CNST: variants seen among roughly 807,000 people sequenced by gnomAD.
CNST encodes consortin.
CNST carries 39 observed loss-of-function variants against 72.4 expected under a neutral mutation model. The ratio of observed to expected loss-of-function variants is 0.54; its 90% CI spans 0.42 to 0.70. The LOEUF (loss-of-function observed/expected upper bound fraction) is 0.70. CNST is among the 30% of genes least tolerant of loss of function. The probability of loss-of-function intolerance (pLI) is 0.00; values close to 1 mark genes in which losing one functional copy is unlikely to be tolerated. For synonymous variants in CNST, 332 were observed against 320.1 expected, an observed-to-expected ratio of 1.04 and a Z score of -0.40; for missense variants, 871 against 868.5, an observed-to-expected ratio of 1.00 and a Z score of -0.04.
intron 9 of CNST, among the ~76,000 whole-genome samples, chr1:246,649,917 G>C (rs1316434153): frequency 6.6e-6 from 1 of 151,358 alleles, no homozygotes; most frequent in East Asian, 1.9e-4. Flanking sequence ...CTGTGTTGAA[G>C]ATGCACAAGG....
At chr1:246,621,743 C>G (rs1429765514) in intron 3 of CNST, 109 bp downstream of exon 3, 10 of 967,750 alleles carry the variant, frequency 1.0e-5, no homozygotes, top group Admixed American at 5.5e-5. Flanking sequence ...GCCTGTAATC[C>G]CAGCATTTTG....
At chr1:246,583,147 C>G (rs1442600275) in intron 1 of CNST, among the ~76,000 whole-genome samples, 2 of 152,184 alleles carry the variant, frequency 1.3e-5, no homozygotes, top group East Asian at 1.9e-4. Context: ...CTCCTCTGGT[C>G]TTGTGAATAT....
rs569399010 is a variant in CNST, at chr1:246,652,933, G to A, written c.1836+4896G>A. Among the ~76,000 whole-genome samples the A allele has an allele frequency of 2.6e-4, 39 of 151,354 alleles. No homozygotes were observed. In the East Asian group the frequency reaches 4.9e-3, roughly 19 times the overall value. ...GCAGGAGAATGGCGTGAACCTGGGA[G>A]GCGGAGCTTGCAGTGAGCCGAGATT... On this transcript the variant is annotated intron_variant, in intron 9 of 10. Transcript: ENST00000366513.
chr1:246,663,481 C>G (rs1371521120), intron 10 of CNST, among the ~76,000 whole-genome samples: 2 of 152,098 alleles, frequency 1.3e-5, no homozygotes. Context: ...TGGCTTATGC[C>G]TGTAATCCCA....
chr1:246,605,604 G>A (rs547749000), intron 2 of CNST, among the ~76,000 whole-genome samples: 10 of 152,064 alleles, frequency 6.6e-5, no homozygotes, highest in Admixed American at 6.5e-4. Flanking sequence ...CTGATGTAAC[G>A]GCTACGTGGT....
intron 10 of CNST, among the ~76,000 whole-genome samples, chr1:246,662,877 C>T (rs12043394): frequency 0.21 from 32,111 of 152,038 alleles, 3,931 homozygotes; most frequent in Admixed American, 0.33. Context: ...ACCTGTGGCT[C>T]ACATCGGACA....
At chr1:246,586,084 G>A (rs1161385341) in intron 1 of CNST, among the ~76,000 whole-genome samples, 1 of 133,862 alleles carries the variant, frequency 7.5e-6, no homozygotes, top group East Asian at 2.1e-4. Flanking sequence ...TGTCTTGGGG[G>A]AGAGGGGGAG....
intron 1 of CNST, among the ~76,000 whole-genome samples, chr1:246,574,100 C>T (rs1028349479): frequency 1.3e-5 from 2 of 152,134 alleles, no homozygotes; most frequent in South Asian, 2.1e-4. Context: ...AGTGCAGTGG[C>T]GTGATCTCAG....
At chr1:246,592,068 C>T (rs1222185175) in intron 2 of CNST, 127 bp downstream of exon 2, 4 of 716,354 alleles carry the variant, frequency 5.6e-6, no homozygotes, top group Non-Finnish European at 9.0e-6. Context: ...CTAGTTCCGC[C>T]GCAGCACAAG....
chr1:246,629,714 A>T (rs1411057757), intron 3 of CNST, among the ~76,000 whole-genome samples: 1 of 152,178 alleles, frequency 6.6e-6, no homozygotes, highest in Non-Finnish European at 1.5e-5. Context: ...TTTCACTGGA[A>T]GTTTGTACTT....
At position 246,666,623 on chromosome 1, in the gene CNST, T is replaced by G. The variant is rs910008888; in HGVS notation, c.*718T>G. On this transcript the variant is annotated 3_prime_UTR_variant, in exon 11 of 11. Transcript: ENST00000366513. ...CCCTGCAATGAGAAACTGTGACAGATCTGTGTCAATTAACTTGATTAGCCA... is the reference window on the plus strand; with the variant it reads ...CCCTGCAATGAGAAACTGTGACAGAGCTGTGTCAATTAACTTGATTAGCCA... The G allele has an allele frequency of 2.0e-5, 3 of 152,358 alleles. No homozygotes were observed. The highest frequency in any genetic ancestry group is 4.4e-5 in the Non-Finnish European group (3 of 68,044). 9.4% of individuals were successfully genotyped at this position (152,358 alleles called of 1,614,324 possible). A position where few individuals can be genotyped will look rare whatever the true frequency, so the allele number is the denominator to read the frequency against.
At chr1:246,567,036 C>T (rs974183243) in intron 1 of CNST, among the ~76,000 whole-genome samples, 2 of 137,318 alleles carry the variant, frequency 1.5e-5, no homozygotes, top group African/African-American at 5.2e-5. Context: ...TTTTCATTTC[C>T]CCCCCACACC....
At chr1:246,655,045 G>A (rs912849277) in intron 9 of CNST, among the ~76,000 whole-genome samples, 15 of 152,118 alleles carry the variant, frequency 9.9e-5, no homozygotes, top group African/African-American at 3.6e-4. Context: ...AACTGAACTG[G>A]CAGCTATTTA....
chr1:246,599,316 A>C (rs1272826464), intron 2 of CNST, among the ~76,000 whole-genome samples: 1 of 152,218 alleles, frequency 6.6e-6, no homozygotes, highest in East Asian at 1.9e-4. Flanking sequence ...GTAGATGAAG[A>C]ATCTGACATG....
intron 6 of CNST, among the ~76,000 whole-genome samples, chr1:246,638,263 A>G (rs1383304090): frequency 6.6e-6 from 1 of 152,130 alleles, no homozygotes; most frequent in African/African-American, 2.4e-5. Flanking sequence ...CTGAGGAGTA[A>G]AGAGGAAAGA....
At chr1:246,658,665 A>G (rs963553528) in intron 9 of CNST, among the ~76,000 whole-genome samples, 9 of 152,216 alleles carry the variant, frequency 5.9e-5, no homozygotes, top group Non-Finnish European at 8.8e-5. Context: ...TATGCTATTG[A>G]TTAGATAAAT....
At chr1:246,582,393 G>T (rs1275190584) in intron 1 of CNST, among the ~76,000 whole-genome samples, 2 of 149,848 alleles carry the variant, frequency 1.3e-5, no homozygotes, top group African/African-American at 5.0e-5. Flanking sequence ...CTGTCTCCCA[G>T]CCTGGAGTGC....
At position 246,621,611 on chromosome 1, in the gene CNST, G is replaced by A. The variant is rs1287708085; in HGVS notation, c.562G>A (p.Ala188Thr). The A allele has an allele frequency of 6.2e-7, 1 of 1,613,876 alleles. No individual in the cohort carries two copies. The highest frequency in any genetic ancestry group is 1.3e-5 in the African/African-American group (1 of 74,906). Residue 188 changes from alanine (A) to threonine (T), a missense_variant, in exon 3 of 11, where the codon GCA becomes ACA. Coordinates refer to ENST00000366513, the MANE Select transcript of CNST (RefSeq NM_152609.3). Reference sequence around the variant, plus strand: ...TGAAGTTGAGCAGTTGGATTCAAGAGCACTTCCCCTTTGCCTTCATCAGGT... The same window carrying A: ...TGAAGTTGAGCAGTTGGATTCAAGAACACTTCCCCTTTGCCTTCATCAGGT... ...RGEVEQLDSRALPLCLHQIAE... is the reference protein window; with the variant it reads ...RGEVEQLDSRTLPLCLHQIAE...
intron 6 of CNST, among the ~76,000 whole-genome samples, chr1:246,636,590 T>C (rs1665265278): frequency 6.6e-6 from 1 of 152,224 alleles, no homozygotes; most frequent in Admixed American, 6.5e-5. Context: ...GGGGTAGTTG[T>C]TGGTTTTGAG....
Sources: gnomAD v4.1 joint callset for allele counts (sites outside exome capture counted in the v4.1 genomes callset) on GRCh38, gnomAD v4.1.1 for gene constraint, MANE v1.5 for transcripts, NCBI Gene and HGNC (gene_info 2026-07-23, HGNC 2026-07-21) for gene names.